CIMAP2: variants seen among roughly 807,000 people sequenced by gnomAD.
CIMAP2 encodes ciliary microtubule associated protein 2, also known as ciliary microtubule-associated protein 2.
chr1:54,814,847 C>T, the CIMAP2 span: 5 of 1,604,262 alleles, frequency 3.1e-6, no homozygotes, highest in Non-Finnish European at 4.3e-6. Flanking sequence ...GAGCCCTCAC[C>T]TGCCCTGGGC....
the CIMAP2 span, among the ~76,000 whole-genome samples, chr1:54,820,110 CTCTCTTTCTTTCTT>C: frequency 4.1e-4 from 40 of 97,862 alleles, no homozygotes; most frequent in Admixed American, 8.7e-4. Context: ...CTTTCTCTCT[CTCTCTTTCTTTCTT>C]TCTTTCTTTC....
the CIMAP2 span, chr1:54,811,768 T>TGCCTGCCCCCCCCCCCCCCCC: frequency 1.9e-6 from 1 of 533,354 alleles, no homozygotes; most frequent in Non-Finnish European, 3.7e-6. Flanking sequence ...TCTGACAGCC[T>TGCCTGCCCCCCCCCCCCCCCC]CCATGCCCCC....
At chr1:54,827,582 C>T in the CIMAP2 span, among the ~76,000 whole-genome samples, 1 of 152,166 alleles carries the variant, frequency 6.6e-6, no homozygotes, top group African/African-American at 2.4e-5. Context: ...GCTGCGTGAC[C>T]TGGGGCAAGT....
At chr1:54,818,615 G>A in the CIMAP2 span, among the ~76,000 whole-genome samples, 1 of 151,510 alleles carries the variant, frequency 6.6e-6, no homozygotes, top group South Asian at 2.1e-4. Flanking sequence ...CTTTTAAGAT[G>A]AGGTCTCACT....
At chr1:54,807,649 C>A in the CIMAP2 span, 3 of 1,610,342 alleles carry the variant, frequency 1.9e-6, no homozygotes, top group Non-Finnish European at 2.5e-6. Context: ...CCAGCTACCC[C>A]ACTTCCAGTA....
the CIMAP2 span, chr1:54,811,765 G>GCCGGCGGGCGGCCCCCCCCC: frequency 7.7e-7 from 1 of 1,301,332 alleles, no homozygotes; most frequent in Non-Finnish European, 1.1e-6. Context: ...GGTTCTGACA[G>GCCGGCGGGCGGCCCCCCCCC]CCTCCATGCC....
chr1:54,808,374 C>G, the CIMAP2 span, among the ~76,000 whole-genome samples: 1 of 152,034 alleles, frequency 6.6e-6, no homozygotes, highest in Non-Finnish European at 1.5e-5. Flanking sequence ...ACCTACAGGT[C>G]GTGAGCAACG....
chr1:54,828,590 C>T, the CIMAP2 span, among the ~76,000 whole-genome samples: 1 of 152,134 alleles, frequency 6.6e-6, no homozygotes, highest in Non-Finnish European at 1.5e-5. Context: ...CCTTGGCCTC[C>T]CAGAGTGTTG....
the CIMAP2 span, among the ~76,000 whole-genome samples, chr1:54,822,064 A>T: frequency 7.3e-6 from 1 of 136,800 alleles, no homozygotes. Context: ...ACGCCCGGCT[A>T]ATTTTTTGTA....
chr1:54,810,473 G>A, the CIMAP2 span, among the ~76,000 whole-genome samples: 10 of 152,260 alleles, frequency 6.6e-5, no homozygotes, highest in East Asian at 1.7e-3. Flanking sequence ...AATGTACGTG[G>A]GAACCCTGGA....
chr1:54,835,715 A>G, the CIMAP2 span, among the ~76,000 whole-genome samples: 1 of 152,130 alleles, frequency 6.6e-6, no homozygotes, highest in South Asian at 2.1e-4. Flanking sequence ...AGAGAATCAG[A>G]CAGCAGTCTG....
the CIMAP2 span, among the ~76,000 whole-genome samples, chr1:54,806,404 T>G: frequency 6.6e-6 from 1 of 152,162 alleles, no homozygotes; most frequent in Non-Finnish European, 1.5e-5. Flanking sequence ...CTCCCCCTCT[T>G]GCTTAGTGCT....
the CIMAP2 span, chr1:54,814,108 C>A: frequency 8.5e-7 from 1 of 1,172,074 alleles, no homozygotes; most frequent in Non-Finnish European, 1.2e-6. Flanking sequence ...GTTTCCAATC[C>A]TGGTCTGGAA....
the CIMAP2 span, among the ~76,000 whole-genome samples, chr1:54,826,446 G>A: frequency 1.3e-5 from 2 of 152,204 alleles, no homozygotes; most frequent in African/African-American, 4.8e-5. Flanking sequence ...GATGTCAGCA[G>A]GGCCCCAGGG....
chr1:54,820,801 C>T, the CIMAP2 span, among the ~76,000 whole-genome samples: 1 of 152,110 alleles, frequency 6.6e-6, no homozygotes, highest in African/African-American at 2.4e-5. Flanking sequence ...TGGAGTTTCG[C>T]TCTGTCACCC....
chr1:54,807,622 GA>G, the CIMAP2 span: 1 of 1,610,844 alleles, frequency 6.2e-7, no homozygotes, highest in Non-Finnish European at 8.5e-7. Flanking sequence ...CAAGGCCCAG[GA>G]AGCCACGCGG....
At chr1:54,841,716 C>T in the CIMAP2 span, 4 of 1,592,798 alleles carry the variant, frequency 2.5e-6, no homozygotes, top group African/African-American at 1.3e-5. Flanking sequence ...CCTGTTCATT[C>T]CCTATGGGTG....
the CIMAP2 span, among the ~76,000 whole-genome samples, chr1:54,833,201 ACTGT>A: frequency 1.3e-5 from 2 of 152,138 alleles, no homozygotes; most frequent in African/African-American, 4.8e-5. Context: ...GCGAAGGGTG[ACTGT>A]CTGCCCTGTC....
the CIMAP2 span, among the ~76,000 whole-genome samples, chr1:54,817,704 CA>C: frequency 6.8e-6 from 1 of 147,610 alleles, no homozygotes; most frequent in East Asian, 2.1e-4. Flanking sequence ...TGTTGACAAA[CA>C]TGCACTTTAT....
Sources: allele counts gnomAD v4.1 joint callset (sites outside exome capture counted in the v4.1 genomes callset), GRCh38; gene constraint gnomAD v4.1.1; transcripts MANE v1.5; gene names NCBI Gene and HGNC (gene_info 2026-07-23, HGNC 2026-07-21).